Variants in MMP26 observed in about 807,000 individuals in gnomAD.
MMP26 encodes the protein matrix metalloproteinase-26.
A neutral mutation model predicts 31.0 loss-of-function variants in MMP26; 33 were observed. The observed-to-expected ratio is 1.06, with a 90% CI of 0.81 to 1.42. The LOEUF (loss-of-function observed/expected upper bound fraction) is 1.42, where lower values mean the gene tolerates loss of function less well. Ranked by LOEUF, MMP26 falls within the 40% of genes most tolerant of loss-of-function variation. MMP26 has a pLI of 0.00. For missense variants in MMP26, 347 were observed against 316.1 expected, an observed-to-expected ratio of 1.10 and a Z score of -0.74; for synonymous variants, 122 against 114.9, an observed-to-expected ratio of 1.06 and a Z score of -0.40.
chr11:4,725,621 G>A (rs1848088690), intron 1 of MMP26, among the ~76,000 whole-genome samples: 1 of 152,170 alleles, frequency 6.6e-6, no homozygotes, highest in Non-Finnish European at 1.5e-5. Context: ...CTCATCATAA[G>A]ACTTGTGAAG....
At chr11:4,988,863 C>T (rs930618734) in intron 3 of MMP26, among the ~76,000 whole-genome samples, 1 of 152,074 alleles carries the variant, frequency 6.6e-6, no homozygotes, top group South Asian at 2.1e-4. Context: ...AATGTTTAGT[C>T]CAGAACAATA....
At chr11:4,816,464 T>C (rs1308593677) in intron 2 of MMP26, among the ~76,000 whole-genome samples, 3 of 152,040 alleles carry the variant, frequency 2.0e-5, no homozygotes, top group African/African-American at 4.8e-5. Context: ...GTTGAAGTCC[T>C]CTACTATTAT....
At chr11:4,768,931 A>G (rs1848666903) in intron 2 of MMP26, 4 of 1,292,278 alleles carry the variant, frequency 3.1e-6, no homozygotes, top group Middle Eastern at 3.9e-4. Flanking sequence ...GCTTTTCTAC[A>G]GTGCAAGTCA....
chr11:4,963,292 G>A (rs1846546008), intron 2 of MMP26, among the ~76,000 whole-genome samples: 1 of 152,158 alleles, frequency 6.6e-6, no homozygotes. Context: ...CCAATATCAT[G>A]AAAATGGCCA....
In MMP26 at chr11:4,838,315, T is replaced by TAAAAAAAAAAAA. The variant is rs540572047; in HGVS notation, c.-145+71004_-145+71015dup. 1.5e-4 allele frequency among the ~76,000 whole-genome samples: 4 copies of TAAAAAAAAAAAA among 27,418 alleles called. 1 individual carries two copies. The highest frequency in any genetic ancestry group is 4.0e-4 in the Non-Finnish European group (4 of 9,954). The allele number at this position is 27,418 out of a possible 152,430, so 18.0% of individuals were successfully genotyped here. On this transcript the variant is annotated intron_variant, in intron 2 of 7. Coordinates refer to ENST00000380390, the MANE Select transcript of MMP26 (RefSeq NM_021801.5). The stretch of plus-strand genomic sequence containing the variant: ...CCAGGGCACAGGGCAAGACTCTGTC[T>TAAAAAAAAAAAA]AAAAAAAAAAAAAAAAAAAAAAAAA...
At chr11:4,749,371 C>T (rs1186168820) in intron 1 of MMP26, among the ~76,000 whole-genome samples, 3 of 151,770 alleles carry the variant, frequency 2.0e-5, no homozygotes, top group Non-Finnish European at 4.4e-5. Context: ...AAGCAATCTG[C>T]AGATTCAATG....
chr11:4,804,256 A>G, intron 2 of MMP26: 3 of 1,613,718 alleles, frequency 1.9e-6, no homozygotes, highest in South Asian at 1.1e-5. Flanking sequence ...ATTTCCAACA[A>G]CAGCCACAGC....
intron 2 of MMP26, among the ~76,000 whole-genome samples, chr11:4,820,034 G>A (rs926224575): frequency 6.6e-6 from 1 of 152,062 alleles, no homozygotes; most frequent in Admixed American, 6.6e-5. Flanking sequence ...AGTTCACATG[G>A]AATTAACATT....
At chr11:4,967,389 C>T (rs10734458) in intron 2 of MMP26, among the ~76,000 whole-genome samples, 72,813 of 152,016 alleles carry the variant, frequency 0.48, 18,593 homozygotes, top group South Asian at 0.64. Context: ...TTTTCTTTAC[C>T]GAAACTTTTC....
intron 1 of MMP26, among the ~76,000 whole-genome samples, chr11:4,708,509 C>T (rs1300018228): frequency 6.6e-6 from 1 of 152,146 alleles, no homozygotes; most frequent in Non-Finnish European, 1.5e-5. Flanking sequence ...AAGTCTAATT[C>T]TAATGCACAC....
chr11:4,914,231 A>G (rs1589937223), intron 2 of MMP26: 1 of 158,468 alleles, frequency 6.3e-6, no homozygotes, highest in Non-Finnish European at 1.4e-5. Context: ...TGGAACACCT[A>G]CATGGGCCTT....
intron 2 of MMP26, chr11:4,821,921 G>T (rs1404737612): frequency 6.2e-7 from 1 of 1,614,004 alleles, no homozygotes. Context: ...TTTGTCAAGA[G>T]GTTGTCCTTC....
chr11:4,828,485 A>C (rs747578096), intron 2 of MMP26, among the ~76,000 whole-genome samples: 3 of 152,194 alleles, frequency 2.0e-5, no homozygotes, highest in Non-Finnish European at 4.4e-5. Flanking sequence ...TGATGGCAAT[A>C]GATATGCTGT....
intron 2 of MMP26, among the ~76,000 whole-genome samples, chr11:4,910,224 A>G (rs112832912): frequency 8.6e-5 from 13 of 151,996 alleles, no homozygotes; most frequent in African/African-American, 1.9e-4. Flanking sequence ...TTTCATCTTC[A>G]AAGCCAGGAA....
At chr11:4,740,608 G>A (rs558673906) in intron 1 of MMP26, among the ~76,000 whole-genome samples, 51 of 151,292 alleles carry the variant, frequency 3.4e-4, no homozygotes, top group African/African-American at 9.7e-4. Flanking sequence ...TCTTGAACCC[G>A]TGAAGCAGAG....
chr11:4,708,972 T>C (rs554304661), intron 1 of MMP26, among the ~76,000 whole-genome samples: 144 of 152,352 alleles, frequency 9.5e-4, no homozygotes, highest in Admixed American at 3.3e-3. Flanking sequence ...TTAGATTTAA[T>C]TGTTTCTTTC....
At chr11:4,868,752 A>G (rs1322085464) in intron 2 of MMP26, among the ~76,000 whole-genome samples, 3 of 152,192 alleles carry the variant, frequency 2.0e-5, no homozygotes, top group African/African-American at 7.2e-5. Context: ...AAGAGCCCAC[A>G]TTGCCAAGAT....
intron 1 of MMP26, among the ~76,000 whole-genome samples, chr11:4,761,997 A>G (rs1462876620): frequency 6.6e-6 from 1 of 152,160 alleles, no homozygotes; most frequent in East Asian, 1.9e-4. Context: ...AGGAAAAAAA[A>G]AAGACCTGGC....
At chr11:4,853,169 C>T (rs1849998804) in intron 2 of MMP26, among the ~76,000 whole-genome samples, 1 of 152,150 alleles carries the variant, frequency 6.6e-6, no homozygotes, top group African/African-American at 2.4e-5. Context: ...ATATTGTATA[C>T]TTGAAATTTG....
Sources: gnomAD v4.1 joint callset for allele counts (sites outside exome capture counted in the v4.1 genomes callset) on GRCh38, gnomAD v4.1.1 for gene constraint, MANE v1.5 for transcripts, NCBI Gene and HGNC (gene_info 2026-07-23, HGNC 2026-07-21) for gene names.